Variants in EXPH5 observed in about 807,000 individuals in gnomAD.
EXPH5 encodes exophilin 5.
Under a neutral mutation model 41.1 loss-of-function variants are expected in EXPH5, and 42 were observed. The ratio of observed to expected loss-of-function variants is 1.02; its 90% CI spans 0.80 to 1.32. The LOEUF (loss-of-function observed/expected upper bound fraction) is 1.32, where lower values mean the gene tolerates loss of function less well. EXPH5 is among the 40% of genes most tolerant of loss of function. The probability of loss-of-function intolerance (pLI) is 0.00; values close to 1 mark genes in which losing one functional copy is unlikely to be tolerated. For synonymous variants in EXPH5, 798 were observed against 833.5 expected, an observed-to-expected ratio of 0.96 and a Z score of 0.73; for missense variants, 2,298 against 2,314.5, an observed-to-expected ratio of 0.99 and a Z score of 0.15.
At position 108,510,846 on chromosome 11, in the gene EXPH5, T is replaced by C; in HGVS notation, c.4661A>G (p.Lys1554Arg). 1 of 1,614,238 alleles carries C rather than the reference T, an allele frequency of 6.2e-7. No homozygotes were observed. Among genetic ancestry groups the C allele is most frequent in the African/African-American group, 1.3e-5 (1 of 75,076 alleles). Reference protein sequence around the residue: ...SQEANMTESRKAEDEMQKSAW... With the variant: ...SQEANMTESRRAEDEMQKSAW... Reference sequence around the variant, plus strand: ...TGACTTCTGCATTTCATCTTCAGCCTTCCTGCTCTCTGTCATATTTGCCTC... The same window carrying C: ...TGACTTCTGCATTTCATCTTCAGCCCTCCTGCTCTCTGTCATATTTGCCTC... Residue 1554 changes from lysine to arginine, a missense_variant, in exon 6 of 6, where the codon AAG becomes AGG. Physicochemically the swap from Lys to Arg is conservative, Grantham distance 26 (BLOSUM62 2). Transcript: ENST00000265843.
the EXPH5 span, among the ~76,000 whole-genome samples, chr11:108,601,654 T>C: frequency 2.6e-5 from 4 of 152,186 alleles, no homozygotes; most frequent in Admixed American, 1.3e-4. Context: ...ATTGTAAGTA[T>C]TTGAATATGA....
Position 108,510,438 on chromosome 11 carries a change from T to C in EXPH5, c.5069A>G (p.Gln1690Arg). 6.2e-7 allele frequency: 1 copy of C among 1,614,056 alleles called. No individual in the cohort carries two copies. Among genetic ancestry groups the C allele is most frequent in the Non-Finnish European group, 8.5e-7 (1 of 1,179,994 alleles). The change falls in exon 6 of 6, where the codon CAG (glutamine) becomes CGG (arginine). Residue 1690 changes from glutamine (Q) to arginine (R), a missense_variant. Transcript: ENST00000265843. ...NREPSTHVSN[Q>R]KSNSISQRHQ... ...TCGTTGTGAAATGCTGTTAGACTTCTGGTTGCTGACGTGTGTAGAAGGTTC... is the reference window on the plus strand; with the variant it reads ...TCGTTGTGAAATGCTGTTAGACTTCCGGTTGCTGACGTGTGTAGAAGGTTC...
At chr11:108,564,797 T>C (rs1235794089) in intron 1 of EXPH5, among the ~76,000 whole-genome samples, 1 of 152,198 alleles carries the variant, frequency 6.6e-6, no homozygotes, top group Non-Finnish European at 1.5e-5. Context: ...CTTTTTGATC[T>C]TTGCTAATAT....
chr11:108,570,131 A>G (rs1397749294), intron 1 of EXPH5, among the ~76,000 whole-genome samples: 2 of 152,234 alleles, frequency 1.3e-5, no homozygotes, highest in South Asian at 2.1e-4. Context: ...CCCTGGAGGT[A>G]TGGAATCTTC....
rs2093714305 is a variant in EXPH5, at chr11:108,514,880, A to G, written c.632-5T>C. ...TGCTATCCAAGTCATCTAAAACTGA[A>G]AAGAGAATGTGAATCAACCTTTTTC... On this transcript the variant is annotated splice_region_variant and splice_polypyrimidine_tract_variant and intron_variant, in intron 5 of 5. Coordinates refer to ENST00000265843, the MANE Select transcript of EXPH5 (RefSeq NM_015065.3). 2.8e-6 allele frequency: 4 copies of G among 1,421,218 alleles called. No homozygotes were observed. The highest frequency in any genetic ancestry group is 3.7e-6 in the Non-Finnish European group (4 of 1,085,300). The allele number at this position is 1,421,218 out of a possible 1,614,324, so 88.0% of individuals were successfully genotyped here. A position where few individuals can be genotyped will look rare whatever the true frequency, so the allele number is the denominator to read the frequency against.
At chr11:108,552,632 T>A (rs1373579525) in intron 1 of EXPH5, among the ~76,000 whole-genome samples, 1 of 152,224 alleles carries the variant, frequency 6.6e-6, no homozygotes, top group Admixed American at 6.5e-5. Flanking sequence ...TTTAAAAAAT[T>A]GACCATTGTA....
intron 1 of EXPH5, among the ~76,000 whole-genome samples, chr11:108,552,933 T>C (rs1045357526): frequency 2.0e-5 from 3 of 152,168 alleles, no homozygotes; most frequent in Middle Eastern, 3.4e-3. Flanking sequence ...CGGTGGCTCA[T>C]GCCTGTAATC....
chr11:108,530,870 T>TTGGGTAGAAGAGTA lies in EXPH5; in HGVS notation c.444-2700_444-2687dup, dbSNP rs560834597. 1.7e-3 allele frequency among the ~76,000 whole-genome samples: 262 copies of TTGGGTAGAAGAGTA among 152,310 alleles called. 1 individual carries two copies. The highest frequency in any genetic ancestry group is 6.1e-3 in the African/African-American group (253 of 41,562). On this transcript the variant is annotated intron_variant, in intron 3 of 5. Transcript: ENST00000265843. ...CATGGTTGTGTGTGCTCCTGTGGAC[T>TTGGGTAGAAGAGTA]TGGGTAGAAGAGTATAGGACTCAGC...
intron 3 of EXPH5, among the ~76,000 whole-genome samples, chr11:108,532,506 T>C (rs1224886608): frequency 6.7e-6 from 1 of 149,130 alleles, no homozygotes; most frequent in African/African-American, 2.5e-5. Flanking sequence ...TGAGCCATCA[T>C]GCTTGATCTG....
chr11:108,600,264 C>T, the EXPH5 span, among the ~76,000 whole-genome samples: 2 of 152,200 alleles, frequency 1.3e-5, no homozygotes, highest in Non-Finnish European at 2.9e-5. Context: ...GCTGCAGTCT[C>T]TTTGCAACCT....
Position 108,513,325 on chromosome 11 carries a change from G to T in EXPH5, c.2182C>A (p.Gln728Lys). The T allele has an allele frequency of 6.2e-7, 1 of 1,613,856 alleles. No homozygotes were observed. The highest frequency in any genetic ancestry group is 1.7e-4 in the Middle Eastern group (1 of 6,060). Reference protein sequence around the residue: ...DQTNKAGEIPQPVSQTGISNS... With the variant: ...DQTNKAGEIPKPVSQTGISNS... ...GAGATCCCTGTCTGTGAAACAGGTT[G>T]GGGTATTTCACCTGCCTTGTTTGTC... Residue 728 changes from glutamine to lysine, a missense_variant, in exon 6 of 6, where the codon CAA becomes AAA. By Grantham distance (53) the Gln-to-Lys change is moderately conservative. Coordinates refer to ENST00000265843, the MANE Select transcript of EXPH5 (RefSeq NM_015065.3).
chr11:108,559,496 T>C (rs1224998984), intron 1 of EXPH5, among the ~76,000 whole-genome samples: 1 of 152,150 alleles, frequency 6.6e-6, no homozygotes, highest in Non-Finnish European at 1.5e-5. Flanking sequence ...ATAGACAGAG[T>C]GTATGATCTC....
chr11:108,514,688 G>A lies in EXPH5; in HGVS notation c.819C>T (p.Asp273=), dbSNP rs1383289037. The change falls in exon 6 of 6, where the codon GAC becomes GAT. Residue 273 remains aspartate, a synonymous_variant. Transcript: ENST00000265843. ...YNETSNMSIY[D]ILRPGTPREG... is the part of the protein sequence containing the mutation. Reference sequence around the variant, plus strand: ...CCCTAGGAGTTCCTGGTCTTAGGATGTCATAGATAGACATATTGGAAGTTT... The same window carrying A: ...CCCTAGGAGTTCCTGGTCTTAGGATATCATAGATAGACATATTGGAAGTTT... 1.2e-6 allele frequency: 2 copies of A among 1,603,912 alleles called. No homozygotes were observed. Among genetic ancestry groups the A allele is most frequent in the Non-Finnish European group, 1.7e-6 (2 of 1,176,556 alleles).
chr11:108,549,746 T>C (rs2093955085), intron 1 of EXPH5, among the ~76,000 whole-genome samples: 1 of 152,184 alleles, frequency 6.6e-6, no homozygotes, highest in African/African-American at 2.4e-5. Flanking sequence ...TCTAGCTGGG[T>C]GATCTTGGCC....
chr11:108,576,118 G>C (rs2094078993), intron 1 of EXPH5, among the ~76,000 whole-genome samples: 1 of 152,180 alleles, frequency 6.6e-6, no homozygotes, highest in Non-Finnish European at 1.5e-5. Flanking sequence ...ACAAATACTT[G>C]TGAGACAATT....
chr11:108,602,811 A>G, the EXPH5 span, among the ~76,000 whole-genome samples: 1 of 152,226 alleles, frequency 6.6e-6, no homozygotes, highest in Non-Finnish European at 1.5e-5. Flanking sequence ...TGCAAATCAT[A>G]TATAATTTCT....
upstream of EXPH5, among the ~76,000 whole-genome samples, chr11:108,596,029 G>A (rs190659987): frequency 5.4e-3 from 827 of 152,030 alleles, 7 homozygotes; most frequent in African/African-American, 0.019. Flanking sequence ...GTGAAACCCC[G>A]CCTCTACTAA....
chr11:108,584,052 G>T (rs1425770728), intron 1 of EXPH5, among the ~76,000 whole-genome samples: 1 of 152,138 alleles, frequency 6.6e-6, no homozygotes, highest in African/African-American at 2.4e-5. Context: ...AAACTTAAAT[G>T]TAAAAATTTA....
chr11:108,593,796 T>C (rs973004928), upstream of EXPH5: 1 of 1,523,484 alleles, frequency 6.6e-7, no homozygotes, highest in African/African-American at 1.4e-5. Context: ...AGGGAACCAA[T>C]CCCGTTCCAA....
Sources: gnomAD v4.1 joint callset for allele counts (sites outside exome capture counted in the v4.1 genomes callset) on GRCh38, gnomAD v4.1.1 for gene constraint, MANE v1.5 for transcripts, NCBI Gene and HGNC (gene_info 2026-07-23, HGNC 2026-07-21) for gene names.